Variants in KCNAB2 observed in about 807,000 individuals in gnomAD.
KCNAB2 encodes the protein potassium voltage-gated channel subfamily A regulatory beta subunit 2.
A neutral mutation model predicts 63.6 loss-of-function variants in KCNAB2; 29 were observed. The ratio of observed to expected loss-of-function variants is 0.46; its 90% confidence interval spans 0.34 to 0.62. The LOEUF is 0.62. Among genes scored for constraint, KCNAB2 ranks in the 20% least tolerant of loss-of-function variants. The probability of loss-of-function intolerance (pLI) is 0.01; values close to 1 mark genes in which losing one functional copy is unlikely to be tolerated. For synonymous variants in KCNAB2, 222 were observed against 224.2 expected (o/e 0.99, Z 0.09); for missense variants, 359 against 563.9 (o/e 0.64, Z 3.68).
In KCNAB2 at chr1:6,091,455, C is replaced by T. The variant is rs1252608453; in HGVS notation, c.646+148C>T. On this transcript the variant is annotated intron_variant, in intron 10 of 15. Coordinates refer to ENST00000378083, the MANE Select transcript of KCNAB2 (RefSeq NM_001199862.2). ...GGGAAAGAGCACCCTATGAGAACAC[C>T]TTGCAAGTGAAGGAAAAGCAAAGTG... is the stretch of plus-strand genomic sequence containing the variant. 25 of 636,578 alleles carry T rather than the reference C, an allele frequency of 3.9e-5. No homozygotes were observed. The East Asian group carries it at 7.1e-4, about 18-fold the overall frequency. The allele number at this position is 636,578 out of a possible 1,614,324, so 39.4% of individuals were successfully genotyped here. A position where few individuals can be genotyped will look rare whatever the true frequency, so the allele number is the denominator to read the frequency against.
intron 1 of KCNAB2, among the ~76,000 whole-genome samples, chr1:6,049,298 AGCAGGGGGCAGTG>A (rs1661195927): frequency 6.6e-6 from 1 of 152,184 alleles, no homozygotes; most frequent in Non-Finnish European, 1.5e-5. Flanking sequence ...ATGGGCACTG[AGCAGGGGGCAGTG>A]GCAGTGGCAG....
intron 2 of KCNAB2, chr1:6,040,748 AAGCAGGGCCC>A (rs1660433864): frequency 1.4e-6 from 1 of 700,662 alleles, no homozygotes; most frequent in Admixed American, 2.6e-5. Context: ...GGAAGGGCCC[AAGCAGGGCCC>A]ACAGGCTTCT....
At chr1:6,080,249 A>T (rs527634525) in intron 4 of KCNAB2, among the ~76,000 whole-genome samples, 1 of 152,094 alleles carries the variant, frequency 6.6e-6, no homozygotes, top group Non-Finnish European at 1.5e-5. Flanking sequence ...CAGGAGGAAG[A>T]CGAGGAGGAA....
rs764251640 is a variant in KCNAB2, at chr1:6,090,448, C to T, written c.574C>T (p.Arg192Cys). ...LEYVDVVFAN[R>C]PDPNTPMEGD... is the part of the protein sequence containing the mutation. ...GTACGTGGATGTGGTGTTTGCCAAC[C>T]GCCCGGACCCCAACACCCCGATGGA... Residue 192 changes from arginine (R) to cysteine (C), a missense_variant, in exon 9 of 16, where the codon CGC becomes TGC. Coordinates refer to ENST00000378083, the MANE Select transcript of KCNAB2 (RefSeq NM_001199862.2). 8 of 1,613,698 alleles carry T rather than the reference C, an allele frequency of 5.0e-6. No homozygotes were observed. The highest frequency in any genetic ancestry group is 2.7e-5 in the African/African-American group (2 of 74,930).
upstream of KCNAB2, chr1:6,041,911 A>T (rs1285435172): frequency 1.9e-6 from 3 of 1,599,884 alleles, no homozygotes; most frequent in Non-Finnish European, 2.6e-6. Flanking sequence ...CAGCGAGCCG[A>T]AGGCCAGGGA....
At chr1:6,051,443 G>A in intron 1 of KCNAB2, 68 bp from the exon 2 acceptor site, 1 of 1,414,644 alleles carries the variant, frequency 7.1e-7, no homozygotes, top group Non-Finnish European at 9.2e-7. Flanking sequence ...CCCTGCCCCA[G>A]GGCCAGCCAT....
chr1:6,080,578 C>G (rs938434321), intron 4 of KCNAB2, among the ~76,000 whole-genome samples: 10 of 152,356 alleles, frequency 6.6e-5, no homozygotes, highest in Non-Finnish European at 1.2e-4. Context: ...GGCTCAGCTT[C>G]AGCTGTGCTG....
intron 2 of KCNAB2, 149 bp from the exon 3 acceptor site, chr1:6,072,606 C>T: frequency 1.2e-6 from 1 of 816,346 alleles, no homozygotes; most frequent in Admixed American, 2.1e-5. Context: ...GCAGAGGCAC[C>T]TCTCTGAAGG....
chr1:6,022,494 G>C (rs1161492824), intron 1 of KCNAB2, among the ~76,000 whole-genome samples: 1 of 152,072 alleles, frequency 6.6e-6, no homozygotes. Flanking sequence ...TAGTTCAGTG[G>C]TATTGAGTGT....
intron 2 of KCNAB2, among the ~76,000 whole-genome samples, chr1:6,060,412 G>A (rs553755246): frequency 4.6e-5 from 7 of 152,308 alleles, no homozygotes; most frequent in African/African-American, 1.2e-4. Context: ...GAAGGCCACC[G>A]GCCCTGCCTC....
chr1:6,085,354 CCCA>C, intron 6 of KCNAB2, 106 bp downstream of exon 6: 6 of 924,796 alleles, frequency 6.5e-6, no homozygotes, highest in Non-Finnish European at 1.0e-5. Context: ...CCCGCAAGTC[CCCA>C]CATCTTTCTT....
intron 1 of KCNAB2, among the ~76,000 whole-genome samples, chr1:6,015,800 G>A (rs938486829): frequency 6.6e-6 from 1 of 152,086 alleles, no homozygotes; most frequent in Non-Finnish European, 1.5e-5. Context: ...CACCTCCCCG[G>A]GCTCAAGTGA....
At chr1:6,051,368 G>A in intron 1 of KCNAB2, 143 bp from the exon 2 acceptor site, 2 of 956,818 alleles carry the variant, frequency 2.1e-6, no homozygotes, top group East Asian at 2.9e-5. Context: ...CAGGGGCCGG[G>A]TCCCACTCCT....
In KCNAB2 at chr1:6,069,237, G is replaced by A. The variant is rs562295008; in HGVS notation, c.219-3518G>A. Among the ~76,000 whole-genome samples the A allele has an allele frequency of 4.6e-5, 7 of 152,200 alleles. No individual in the cohort carries two copies. The highest frequency in any genetic ancestry group is 3.8e-4 in the East Asian group (2 of 5,196). Reference sequence around the variant, plus strand: ...GGAGCCACCCCATGTGCCTTCCTCCGCAACCAGCTAGCCAAGGCCACGGTG... The same window carrying A: ...GGAGCCACCCCATGTGCCTTCCTCCACAACCAGCTAGCCAAGGCCACGGTG... On this transcript the variant is annotated intron_variant, in intron 2 of 15. Coordinates refer to ENST00000378083, the MANE Select transcript of KCNAB2 (RefSeq NM_001199862.2). The surrounding 1 kb of genome is among the most constrained non-coding windows in gnomAD (Gnocchi z 5.4).
intron 1 of KCNAB2, among the ~76,000 whole-genome samples, chr1:6,002,291 C>A (rs1366222049): frequency 2.0e-5 from 3 of 152,256 alleles, no homozygotes; most frequent in African/African-American, 7.2e-5. Context: ...GGGGTCTTCC[C>A]CGCCAGATAC....
rs908354158 is a variant in KCNAB2 at position 6,071,201 on chromosome 1, G to A, written c.219-1554G>A. ...CCCATGCCGCCTTCCCAGGGGCCAGGCTTGGACAGGAAAGAGGATAAACTG... is the reference window on the plus strand; with the variant it reads ...CCCATGCCGCCTTCCCAGGGGCCAGACTTGGACAGGAAAGAGGATAAACTG... On this transcript the variant is annotated intron_variant, in intron 2 of 15. Transcript: ENST00000378083. This position sits in a 1 kb window ranked among gnomAD's most constrained non-coding sequence, Gnocchi z 8.5. 6.6e-6 allele frequency among the ~76,000 whole-genome samples: 1 copy of A among 152,188 alleles called. No individual in the cohort carries two copies. The highest frequency in any genetic ancestry group is 2.4e-5 in the African/African-American group (1 of 41,440).
chr1:6,011,372 G>A (rs1319915818), intron 1 of KCNAB2, among the ~76,000 whole-genome samples: 1 of 144,922 alleles, frequency 6.9e-6, no homozygotes, highest in African/African-American at 2.6e-5. Flanking sequence ...GTGTGCGGGA[G>A]GCGAGGCAGG....
At position 6,074,643 on chromosome 1, in the gene KCNAB2, T is replaced by C. The variant is rs1254380278; in HGVS notation, c.300+873T>C. On this transcript the variant is annotated intron_variant, in intron 4 of 15. Transcript: ENST00000378083. The surrounding 1 kb of genome is among the most constrained non-coding windows in gnomAD (Gnocchi z 4.9). ...TCAAAATTTAAATGCGTACAGTTTG[T>C]GTTTGAGGTCACTTTTATCTTTAAG... Among the ~76,000 whole-genome samples, 1 of 152,190 alleles carries C rather than the reference T, an allele frequency of 6.6e-6. No homozygotes were observed. The highest frequency in any genetic ancestry group is 1.5e-5 in the Non-Finnish European group (1 of 68,036).
intron 1 of KCNAB2, 102 bp downstream of exon 1, chr1:6,046,285 G>T: frequency 1.2e-6 from 1 of 832,898 alleles, no homozygotes; most frequent in Non-Finnish European, 1.4e-6. Context: ...TTTTGGGGTG[G>T]TTTTGTCTGA....
Sources: allele counts gnomAD v4.1 joint callset (sites outside exome capture counted in the v4.1 genomes callset), GRCh38; gene constraint gnomAD v4.1.1; non-coding constraint Gnocchi (gnomAD v3.1); transcripts MANE v1.5; gene names NCBI Gene and HGNC (gene_info 2026-07-23, HGNC 2026-07-21).